ADAMTSL1: variants seen among roughly 807,000 people sequenced by gnomAD.
ADAMTSL1 encodes ADAMTS like 1, also known as ADAMTS-like protein 1.
A neutral mutation model predicts 201.8 loss-of-function variants in ADAMTSL1; 126 were observed. The observed-to-expected ratio is 0.62, with a 90% CI of 0.54 to 0.72. The LOEUF (loss-of-function observed/expected upper bound fraction) is 0.72. ADAMTSL1 is among the 30% of genes least tolerant of loss of function. The probability of loss-of-function intolerance (pLI) is 0.00; values close to 1 mark genes in which losing one functional copy is unlikely to be tolerated. For missense variants in ADAMTSL1, 2,679 were observed against 2,277.8 expected, an observed-to-expected ratio of 1.18 and a Z score of -3.59; for synonymous variants, 1,121 against 903.4, an observed-to-expected ratio of 1.24 and a Z score of -4.32.
chr9:18,163,759 T>A (rs1587198009), intron 1 of ADAMTSL1: 2 of 148,214 alleles, frequency 1.3e-5, no homozygotes, highest in Admixed American at 6.7e-5. Context: ...ATTGCTCTAA[T>A]CAGCCTTGAA....
At chr9:18,078,217 TA>T (rs998925128) in intron 1 of ADAMTSL1, among the ~76,000 whole-genome samples, 1 of 152,130 alleles carries the variant, frequency 6.6e-6, no homozygotes, top group Non-Finnish European at 1.5e-5. Context: ...AGAATAAAAA[TA>T]AAACAATTTT....
intron 2 of ADAMTSL1, among the ~76,000 whole-genome samples, chr9:18,217,023 G>C (rs77613400): frequency 0.037 from 5,566 of 152,068 alleles, 156 homozygotes; most frequent in Middle Eastern, 0.099. Flanking sequence ...GACAAATGAG[G>C]GGTCAAGTAG....
rs372510701 is a variant in ADAMTSL1 at position 18,112,388 on chromosome 9, A to G, written c.88-51474A>G. ...CTCCCATACTCCCTGGTATGATAACATTGAGGTATGTTCCATACAGATTCT... is the reference window on the plus strand; with the variant it reads ...CTCCCATACTCCCTGGTATGATAACGTTGAGGTATGTTCCATACAGATTCT... On this transcript the variant is annotated intron_variant, in intron 1 of 29. Transcript: ENST00000680146. 1.3e-3 allele frequency among the ~76,000 whole-genome samples: 198 copies of G among 152,128 alleles called. 7 individuals are homozygous for G. The South Asian group carries it at 0.04, about 31-fold the overall frequency.
chr9:18,418,287 TC>T (rs1359736774), intron 2 of ADAMTSL1, among the ~76,000 whole-genome samples: 3 of 151,720 alleles, frequency 2.0e-5, no homozygotes, highest in Non-Finnish European at 4.4e-5. Flanking sequence ...ACTGAACGTT[TC>T]CCCCCCGGCA....
intron 5 of ADAMTSL1, among the ~76,000 whole-genome samples, chr9:18,634,835 CAAA>C (rs201005171): frequency 6.0e-5 from 4 of 66,354 alleles, no homozygotes; most frequent in Non-Finnish European, 1.3e-4. Flanking sequence ...CGAGATTCCT[CAAA>C]AAAAAAAAAA....
At chr9:18,897,258 T>G (rs1218118670) in intron 26 of ADAMTSL1, among the ~76,000 whole-genome samples, 1 of 151,696 alleles carries the variant, frequency 6.6e-6, no homozygotes, top group Non-Finnish European at 1.5e-5. Flanking sequence ...GGGCAGTGAG[T>G]CTCTGCCCTT....
rs866355301 is a variant in ADAMTSL1, at chr9:18,757,522, C to G, written c.2217+4014C>G. Among the ~76,000 whole-genome samples, 6 of 152,042 alleles carry G rather than the reference C, an allele frequency of 3.9e-5. No homozygotes were observed. The South Asian group carries it at 6.2e-4, about 16-fold the overall frequency. ...TACATGTCTTGTTCAGGCCTTCATC[C>G]CTCTGCGCATCTGTCCCTGCCCTGT... On this transcript the variant is annotated intron_variant, in intron 16 of 28. Transcript: ENST00000380548.
chr9:18,775,689 A>G, intron 17 of ADAMTSL1, 54 bp from the exon 18 acceptor site: 1 of 1,582,810 alleles, frequency 6.3e-7, no homozygotes, highest in African/African-American at 1.3e-5. Flanking sequence ...CTATTAAAAA[A>G]TTAGCTTCTA....
intron 23 of ADAMTSL1, among the ~76,000 whole-genome samples, chr9:18,868,120 C>G (rs1827656627): frequency 6.6e-6 from 1 of 152,094 alleles, no homozygotes; most frequent in Non-Finnish European, 1.5e-5. Context: ...TTGATCCTAT[C>G]CAGTGAATTT....
intron 1 of ADAMTSL1, among the ~76,000 whole-genome samples, chr9:18,102,956 A>G (rs1423515766): frequency 6.6e-6 from 1 of 152,232 alleles, no homozygotes; most frequent in Non-Finnish European, 1.5e-5. Flanking sequence ...TAACTTGATT[A>G]TGACAAAGCT....
At chr9:18,009,810 A>G (rs72697451) in intron 1 of ADAMTSL1, among the ~76,000 whole-genome samples, 2,127 of 152,144 alleles carry the variant, frequency 0.014, 28 homozygotes, top group Non-Finnish European at 0.018. Flanking sequence ...AGCCAAAGGA[A>G]ATAGTCACGA....
intron 2 of ADAMTSL1, among the ~76,000 whole-genome samples, chr9:18,344,960 C>T (rs1451650655): frequency 6.6e-6 from 1 of 152,134 alleles, no homozygotes; most frequent in African/African-American, 2.4e-5. Context: ...TTTGACAGCC[C>T]TGTGGATATC....
chr9:17,984,246 T>G (rs1475267984), intron 1 of ADAMTSL1, among the ~76,000 whole-genome samples: 1 of 152,084 alleles, frequency 6.6e-6, no homozygotes, highest in African/African-American at 2.4e-5. Context: ...CAAAAAGATG[T>G]AAGGAATGAA....
intron 2 of ADAMTSL1, among the ~76,000 whole-genome samples, chr9:18,368,065 A>T (rs896194301): frequency 6.8e-6 from 1 of 146,210 alleles, no homozygotes; most frequent in Non-Finnish European, 1.5e-5. Flanking sequence ...ACGCCAGGCT[A>T]ATTTTTTTTT....
At position 18,770,893 on chromosome 9, in the gene ADAMTSL1, T is replaced by C. The variant is rs78209301; in HGVS notation, c.2397+112T>C. ...GAACAAAACAATCTTCCTAATATTA[T>C]GGAATAGTATTTTTGTAACCATATA... On this transcript the variant is annotated intron_variant, in intron 17 of 28. Coordinates refer to ENST00000380548, the MANE Select transcript of ADAMTSL1 (RefSeq NM_001040272.6). 8.6e-3 allele frequency: 9,918 copies of C among 1,155,876 alleles called. 169 individuals are homozygous for C. The highest frequency in any genetic ancestry group is 0.056 in the South Asian group (3,462 of 61,308). 71.6% of individuals were successfully genotyped at this position (1,155,876 alleles called of 1,614,324 possible).
intron 23 of ADAMTSL1, among the ~76,000 whole-genome samples, chr9:18,848,558 C>G (rs867554160): frequency 6.6e-6 from 1 of 152,132 alleles, no homozygotes; most frequent in East Asian, 1.9e-4. Flanking sequence ...GAATACCCTC[C>G]CCTACCCCAC....
intron 1 of ADAMTSL1, among the ~76,000 whole-genome samples, chr9:18,139,236 A>C (rs1276080750): frequency 6.6e-6 from 1 of 152,128 alleles, no homozygotes; most frequent in South Asian, 2.1e-4. Flanking sequence ...TTCATGAGGC[A>C]TATGTTGTTC....
At chr9:17,986,455 G>A (rs1167020768) in intron 1 of ADAMTSL1, among the ~76,000 whole-genome samples, 2 of 151,920 alleles carry the variant, frequency 1.3e-5, no homozygotes, top group African/African-American at 4.8e-5. Context: ...CAGACATGGT[G>A]GAAGAAAACT....
chr9:18,095,638 G>A (rs1824218109), intron 1 of ADAMTSL1, among the ~76,000 whole-genome samples: 1 of 151,914 alleles, frequency 6.6e-6, no homozygotes, highest in Non-Finnish European at 1.5e-5. Flanking sequence ...TGGCCAGGCT[G>A]GTCTCAAACT....
Sources: allele counts gnomAD v4.1 joint callset (sites outside exome capture counted in the v4.1 genomes callset), GRCh38; gene constraint gnomAD v4.1.1; transcripts MANE v1.5; gene names NCBI Gene and HGNC (gene_info 2026-07-23, HGNC 2026-07-21).